Variants in EMCN observed in about 807,000 individuals in gnomAD.
The protein encoded by EMCN is endomucin, also known as MUC-14.
A neutral mutation model predicts 38.4 loss-of-function variants in EMCN; 37 were observed. The ratio of observed to expected loss-of-function variants is 0.96; its 90% CI spans 0.74 to 1.27. The LOEUF is 1.27. EMCN is among the 50% of genes most tolerant of loss of function. The probability of loss-of-function intolerance (pLI) is 0.00; values close to 1 mark genes in which losing one functional copy is unlikely to be tolerated. For missense variants in EMCN, 318 were observed against 302.8 expected (o/e 1.05, Z -0.37); for synonymous variants, 95 against 100.8 (o/e 0.94, Z 0.35).
chr4:100,472,068 G>T (rs1219037647), intron 3 of EMCN, among the ~76,000 whole-genome samples: 1 of 151,826 alleles, frequency 6.6e-6, no homozygotes, highest in African/African-American at 2.4e-5. Flanking sequence ...TGTATTGAAG[G>T]TGCTAGCCAG....
Position 100,397,967 on chromosome 4 carries a change from T to C in EMCN, c.*446A>G, listed in dbSNP as rs1203018573. Reference sequence around the variant, plus strand: ...GCAACTTTTCCCTGCATTAACATAGTGGTAAACAATAAATACTAACAGTAG... The same window carrying C: ...GCAACTTTTCCCTGCATTAACATAGCGGTAAACAATAAATACTAACAGTAG... On this transcript the variant is annotated 3_prime_UTR_variant, in exon 12 of 12. Transcript: ENST00000296420. The C allele has an allele frequency of 1.3e-5, 2 of 152,012 alleles. No homozygotes were observed. Among genetic ancestry groups the C allele is most frequent in the Non-Finnish European group, 2.9e-5 (2 of 67,992 alleles). 9.4% of individuals were successfully genotyped at this position (152,012 alleles called of 1,614,324 possible). A position where few individuals can be genotyped will look rare whatever the true frequency, so the allele number is the denominator to read the frequency against.
At chr4:100,418,378 A>G (rs1363065110) in intron 8 of EMCN, among the ~76,000 whole-genome samples, 1 of 152,144 alleles carries the variant, frequency 6.6e-6, no homozygotes, top group Admixed American at 6.6e-5. Flanking sequence ...CATCCCCTCA[A>G]GTATCCTTCG....
chr4:100,475,223 A>T (rs1160579110), intron 2 of EMCN, 114 bp from the exon 3 acceptor site: 3 of 421,356 alleles, frequency 7.1e-6, no homozygotes, highest in Non-Finnish European at 1.2e-5. Flanking sequence ...TCTATCTTTA[A>T]TTTTTCCCAT....
chr4:100,436,919 G>C (rs1727369659), intron 5 of EMCN, among the ~76,000 whole-genome samples: 1 of 152,098 alleles, frequency 6.6e-6, no homozygotes, highest in South Asian at 2.1e-4. Context: ...AATGGATGCT[G>C]GGCTTAATAT....
intron 4 of EMCN, among the ~76,000 whole-genome samples, chr4:100,454,238 CAAA>C (rs397879572): frequency 4.8e-5 from 6 of 124,470 alleles, no homozygotes; most frequent in Non-Finnish European, 1.8e-5. Flanking sequence ...AAGCCATTAG[CAAA>C]AAAAAAAAAA....
chr4:100,481,457 G>T (rs1351855660), intron 1 of EMCN, among the ~76,000 whole-genome samples: 1 of 152,100 alleles, frequency 6.6e-6, no homozygotes, highest in African/African-American at 2.4e-5. Flanking sequence ...AGAGAAAAGT[G>T]TTCAGCACAT....
chr4:100,478,106 A>G (rs761415089), intron 2 of EMCN, among the ~76,000 whole-genome samples: 1 of 152,138 alleles, frequency 6.6e-6, no homozygotes, highest in Non-Finnish European at 1.5e-5. Flanking sequence ...TCTTTGTCCA[A>G]TGTTGTTCCC....
At chr4:100,485,029 G>A (rs1359618936) in intron 1 of EMCN, among the ~76,000 whole-genome samples, 1 of 152,008 alleles carries the variant, frequency 6.6e-6, no homozygotes, top group African/African-American at 2.4e-5. Flanking sequence ...AATTTTGGAA[G>A]GAAGGTTTAA....
At chr4:100,467,475 G>C (rs533041299) in intron 3 of EMCN, among the ~76,000 whole-genome samples, 1 of 151,630 alleles carries the variant, frequency 6.6e-6, no homozygotes, top group African/African-American at 2.4e-5. Flanking sequence ...TCAGGAGATC[G>C]AGACCATCCT....
intron 1 of EMCN, among the ~76,000 whole-genome samples, chr4:100,516,164 A>G (rs1395064441): frequency 2.6e-5 from 4 of 152,142 alleles, no homozygotes; most frequent in African/African-American, 9.7e-5. Context: ...GGTTGAGCTC[A>G]TTACCAGTGA....
At chr4:100,454,445 T>C (rs915436742) in intron 4 of EMCN, among the ~76,000 whole-genome samples, 10 of 152,022 alleles carry the variant, frequency 6.6e-5, no homozygotes, top group African/African-American at 2.4e-4. Flanking sequence ...GAAACCTAGG[T>C]ATAGTGAGGG....
At chr4:100,487,012 T>C (rs1728960153) in intron 1 of EMCN, 4 of 985,228 alleles carry the variant, frequency 4.1e-6, no homozygotes, top group South Asian at 4.7e-5. Flanking sequence ...GCCAGTTTGG[T>C]TGAGGAATTT....
intron 5 of EMCN, among the ~76,000 whole-genome samples, chr4:100,445,031 C>T (rs1448609809): frequency 6.6e-6 from 1 of 152,116 alleles, no homozygotes; most frequent in East Asian, 1.9e-4. Flanking sequence ...GAGTTGATCC[C>T]AACTAGGGAA....
At chr4:100,497,129 C>T (rs905531208) in intron 1 of EMCN, among the ~76,000 whole-genome samples, 6 of 151,264 alleles carry the variant, frequency 4.0e-5, no homozygotes, top group Non-Finnish European at 8.8e-5. Flanking sequence ...TTAAAAACCG[C>T]TTTATGTCTA....
intron 1 of EMCN, among the ~76,000 whole-genome samples, chr4:100,483,025 T>C (rs1053085753): frequency 1.3e-5 from 2 of 152,132 alleles, no homozygotes; most frequent in Non-Finnish European, 2.9e-5. Flanking sequence ...AAACTTTAAT[T>C]AATTAGTACT....
At chr4:100,422,959 C>A (rs1726933764) in intron 7 of EMCN, 62 bp downstream of exon 7, 2 of 1,508,482 alleles carry the variant, frequency 1.3e-6, no homozygotes, top group African/African-American at 1.4e-5. Flanking sequence ...CTCTCCTTTA[C>A]TGGTCACATT....
At chr4:100,449,904 T>C (rs1321093463) in intron 4 of EMCN, among the ~76,000 whole-genome samples, 1 of 152,006 alleles carries the variant, frequency 6.6e-6, no homozygotes, top group African/African-American at 2.4e-5. Context: ...GTATAGAATA[T>C]ATTCCTTTTT....
At position 100,517,918 on chromosome 4, in the gene EMCN, G is replaced by T; in HGVS notation, c.-4C>A. 2.5e-6 allele frequency: 4 copies of T among 1,612,486 alleles called. No homozygotes were observed. In the South Asian group the frequency reaches 3.3e-5, roughly 13 times the overall value. On this transcript the variant is annotated 5_prime_UTR_variant, in exon 1 of 12. Coordinates refer to ENST00000296420, the MANE Select transcript of EMCN (RefSeq NM_016242.4). ...TGGTCACTTGAAGCAGTTCCATGGTGCCCGTAGATGGTGTCAATATCTTCT... is the reference window on the plus strand; with the variant it reads ...TGGTCACTTGAAGCAGTTCCATGGTTCCCGTAGATGGTGTCAATATCTTCT...
intron 1 of EMCN, among the ~76,000 whole-genome samples, chr4:100,512,337 A>G (rs1729647808): frequency 6.6e-6 from 1 of 152,162 alleles, no homozygotes; most frequent in Non-Finnish European, 1.5e-5. Flanking sequence ...GATGTAATTG[A>G]CACCACTAAT....
Sources: allele counts gnomAD v4.1 joint callset (sites outside exome capture counted in the v4.1 genomes callset), GRCh38; gene constraint gnomAD v4.1.1; transcripts MANE v1.5; gene names NCBI Gene and HGNC (gene_info 2026-07-23, HGNC 2026-07-21).